Variants in SPECC1 observed in about 807,000 individuals in gnomAD.
SPECC1 encodes the protein sperm antigen with calponin homology and coiled-coil domains 1.
A neutral mutation model predicts 104.1 loss-of-function variants in SPECC1; 62 were observed. The observed-to-expected ratio is 0.60, with a 90% CI of 0.49 to 0.74. The LOEUF (loss-of-function observed/expected upper bound fraction) is 0.74. Ranked by LOEUF, SPECC1 falls within the 30% of genes least tolerant of loss-of-function variation. The pLI, the probability that SPECC1 is intolerant of heterozygous loss-of-function variation, is 0.00. For synonymous variants in SPECC1, 513 were observed against 501.6 expected (o/e 1.02, Z -0.30); for missense variants, 1,306 against 1,310.5 (o/e 1.00, Z 0.05).
chr17:20,246,756 G>T (rs886849448), intron 8 of SPECC1, among the ~76,000 whole-genome samples: 7 of 152,144 alleles, frequency 4.6e-5, no homozygotes, highest in African/African-American at 1.4e-4. Flanking sequence ...TTCTTCCCCA[G>T]AGTGCAACAA....
At chr17:20,071,839 T>C (rs555809614) in intron 1 of SPECC1, among the ~76,000 whole-genome samples, 1 of 152,342 alleles carries the variant, frequency 6.6e-6, no homozygotes, top group Admixed American at 6.5e-5. Flanking sequence ...AGATAAGCAC[T>C]GTTAACATTT....
At chr17:20,137,060 A>G (rs1225420075) in intron 3 of SPECC1, among the ~76,000 whole-genome samples, 1 of 152,212 alleles carries the variant, frequency 6.6e-6, no homozygotes, top group Admixed American at 6.5e-5. Flanking sequence ...TGCCTTCACC[A>G]TCGGAAACCA....
chr17:20,224,182 A>G (rs942306703), intron 4 of SPECC1, among the ~76,000 whole-genome samples: 1 of 151,968 alleles, frequency 6.6e-6, no homozygotes, highest in South Asian at 2.1e-4. Context: ...CCTTTTCCTT[A>G]CTTTCCCCTA....
At chr17:20,222,368 T>C (rs953348217) in intron 4 of SPECC1, among the ~76,000 whole-genome samples, 1 of 152,178 alleles carries the variant, frequency 6.6e-6, no homozygotes, top group South Asian at 2.1e-4. Flanking sequence ...TTTTGTGGCC[T>C]AACATGTGGT....
intron 3 of SPECC1, among the ~76,000 whole-genome samples, chr17:20,134,465 G>A (rs1390904847): frequency 6.6e-6 from 1 of 151,536 alleles, no homozygotes; most frequent in Non-Finnish European, 1.5e-5. Flanking sequence ...CTTGCCCTGG[G>A]AAGGGAAAAA....
intron 1 of SPECC1, among the ~76,000 whole-genome samples, chr17:20,038,632 T>A (rs9909011): frequency 6.6e-6 from 1 of 152,066 alleles, no homozygotes; most frequent in African/African-American, 2.4e-5. Context: ...GAACTCCTGA[T>A]CTTGTGATCC....
intron 11 of SPECC1, among the ~76,000 whole-genome samples, chr17:20,257,887 C>T (rs942689709): frequency 1.3e-5 from 2 of 152,132 alleles, no homozygotes; most frequent in Non-Finnish European, 2.9e-5. Flanking sequence ...GGTGTTTCTG[C>T]CAAGGGCTCT....
At chr17:20,018,198 C>T (rs1260387628) in intron 1 of SPECC1, 1 of 152,226 alleles carries the variant, frequency 6.6e-6, no homozygotes, top group South Asian at 2.1e-4. Context: ...ATAACAGCCT[C>T]CTCCCAAGCT....
intron 3 of SPECC1, among the ~76,000 whole-genome samples, chr17:20,192,474 C>G (rs1372493962): frequency 6.6e-6 from 1 of 152,146 alleles, no homozygotes; most frequent in South Asian, 2.1e-4. Flanking sequence ...GCAACCCTCT[C>G]CTAGTGTCAT....
chr17:20,097,909 C>G (rs905810889), intron 2 of SPECC1, among the ~76,000 whole-genome samples: 1 of 152,154 alleles, frequency 6.6e-6, no homozygotes, highest in African/African-American at 2.4e-5. Context: ...TCCTCCTACC[C>G]GTTAAATATT....
At chr17:20,172,278 A>G (rs1036482884) in intron 3 of SPECC1, among the ~76,000 whole-genome samples, 12 of 152,012 alleles carry the variant, frequency 7.9e-5, no homozygotes, top group African/African-American at 2.7e-4. Flanking sequence ...GTTACAGCTG[A>G]TCCTCCATGG....
chr17:20,198,504 C>G (rs960899783), intron 3 of SPECC1, among the ~76,000 whole-genome samples: 1 of 152,204 alleles, frequency 6.6e-6, no homozygotes, highest in South Asian at 2.1e-4. Context: ...TCCCCATGTC[C>G]CATAGTCCTG....
At chr17:20,021,466 A>G (rs1418341508) in intron 1 of SPECC1, among the ~76,000 whole-genome samples, 5 of 151,804 alleles carry the variant, frequency 3.3e-5, no homozygotes, top group African/African-American at 4.8e-5. Context: ...TCCCACTCCC[A>G]GTAATGCTGA....
rs941148365 is a variant in SPECC1, at chr17:20,260,310, A to G, written c.2940+16A>G. 1 of 1,610,720 alleles carries G rather than the reference A, an allele frequency of 6.2e-7. No individual in the cohort carries two copies. Among genetic ancestry groups the G allele is most frequent in the Non-Finnish European group, 8.5e-7 (1 of 1,177,512 alleles). On this transcript the variant is annotated intron_variant, in intron 12 of 14. Coordinates refer to ENST00000395527, the MANE Select transcript of SPECC1 (RefSeq NM_001243439.2). ...AGGTTATGCGGTAAGGGACAACATC[A>G]GCCAACTTCCAGCTGCCCCTGGGCA...
At chr17:20,090,744 G>C (rs916989540) in intron 1 of SPECC1, among the ~76,000 whole-genome samples, 2 of 152,168 alleles carry the variant, frequency 1.3e-5, no homozygotes, top group Non-Finnish European at 2.9e-5. Flanking sequence ...CTGGTTGCTT[G>C]AGGCAGCTTT....
At chr17:20,215,659 T>C (rs1190532028) in intron 4 of SPECC1, among the ~76,000 whole-genome samples, 2 of 152,244 alleles carry the variant, frequency 1.3e-5, no homozygotes, top group Non-Finnish European at 2.9e-5. Context: ...CAAGATACTG[T>C]CTTTGCTATA....
In SPECC1 at chr17:20,208,038, G is replaced by A. The variant is rs1339916058; in HGVS notation, c.1863+2126G>A. ...TTTAAAGTTATAGCTTTGGTAAATA[G>A]AGGCAATAAAATCTGGAATCTTCTG... On this transcript the variant is annotated intron_variant, in intron 4 of 14. Coordinates refer to ENST00000395527, the MANE Select transcript of SPECC1 (RefSeq NM_001243439.2). Among the ~76,000 whole-genome samples the A allele has an allele frequency of 1.3e-5, 2 of 152,062 alleles. 1 individual carries two copies. Among genetic ancestry groups the A allele is most frequent in the Non-Finnish European group, 2.9e-5 (2 of 68,012 alleles).
chr17:20,059,548 T>G (rs988836510), intron 1 of SPECC1, among the ~76,000 whole-genome samples: 9 of 132,702 alleles, frequency 6.8e-5, no homozygotes, highest in African/African-American at 2.1e-4. Flanking sequence ...TGTTGTAGAC[T>G]GGCATGAAGT....
chr17:20,129,055 G>T (rs917308818), intron 3 of SPECC1, among the ~76,000 whole-genome samples: 7 of 151,878 alleles, frequency 4.6e-5, no homozygotes, highest in African/African-American at 1.7e-4. Flanking sequence ...ACCATGCCTG[G>T]TTAATTTTTT....
Sources: allele counts gnomAD v4.1 joint callset (sites outside exome capture counted in the v4.1 genomes callset), GRCh38; gene constraint gnomAD v4.1.1; transcripts MANE v1.5; gene names NCBI Gene and HGNC (gene_info 2026-07-23, HGNC 2026-07-21).